The following GALNT2 variants were observed in gnomAD, a reference collection of about 807,000 sequenced individuals.
GALNT2 encodes the protein polypeptide N-acetylgalactosaminyltransferase 2, also known as UDP-GalNAc:polypeptide N-acetylgalactosaminyltransferase 2.
A neutral mutation model predicts 81.4 loss-of-function variants in GALNT2; 31 were observed. The ratio of observed to expected loss-of-function variants is 0.38; its 90% confidence interval spans 0.29 to 0.51. The LOEUF (loss-of-function observed/expected upper bound fraction) is 0.51. Among genes scored for constraint, GALNT2 ranks in the 20% least tolerant of loss-of-function variants. GALNT2 has a pLI of 0.87. For missense variants in GALNT2, 629 were observed against 765.7 expected (o/e 0.82, Z 2.11); for synonymous variants, 303 against 287.4 (o/e 1.05, Z -0.55).
chr1:230,179,949 T>G (rs889028839), intron 2 of GALNT2, among the ~76,000 whole-genome samples: 1 of 152,256 alleles, frequency 6.6e-6, no homozygotes, highest in Non-Finnish European at 1.5e-5. Context: ...AGACAGAGTC[T>G]CACTCTGTTG....
In GALNT2 at chr1:230,067,358, G is replaced by A; in HGVS notation, c.78G>A (p.Gly26=). ...VLGIAYYMYS[G]GGSALAGGAG... ...GCATCGCCTACTACATGTACTCGGG[G>A]GGCGGCTCTGCGCTGGCCGGGGGCG... Residue 26 remains glycine, a synonymous_variant, in exon 1 of 16, where the codon GGG becomes GGA. Transcript: ENST00000366672. 1.5e-6 allele frequency: 2 copies of A among 1,367,870 alleles called. No homozygotes were observed. The highest frequency in any genetic ancestry group is 1.9e-6 in the Non-Finnish European group (2 of 1,048,348). 84.7% of individuals were successfully genotyped at this position (1,367,870 alleles called of 1,614,324 possible).
intron 1 of GALNT2, among the ~76,000 whole-genome samples, chr1:230,155,828 G>A (rs902268022): frequency 9.9e-5 from 15 of 152,148 alleles, no homozygotes; most frequent in African/African-American, 3.4e-4. Flanking sequence ...TAAGACATTC[G>A]GCGTCAACCT....
chr1:230,188,941 G>C (rs1663428686), intron 2 of GALNT2, among the ~76,000 whole-genome samples: 1 of 152,052 alleles, frequency 6.6e-6, no homozygotes, highest in Middle Eastern at 3.2e-3. Context: ...AATCTGACCA[G>C]CCAGCCAGCT....
chr1:230,111,817 A>G (rs6659923), intron 1 of GALNT2, among the ~76,000 whole-genome samples: 33,072 of 152,082 alleles, frequency 0.22, 3,785 homozygotes, highest in South Asian at 0.28. Flanking sequence ...CAAAATCTAG[A>G]GCTTTGGACC....
chr1:230,132,790 A>T (rs1385360350), intron 1 of GALNT2, among the ~76,000 whole-genome samples: 2 of 152,220 alleles, frequency 1.3e-5, no homozygotes, highest in Non-Finnish European at 2.9e-5. Flanking sequence ...GAATTCCTGT[A>T]AGAATATCCG....
intron 3 of GALNT2, among the ~76,000 whole-genome samples, chr1:230,220,086 G>A (rs1054418715): frequency 5.9e-5 from 9 of 152,128 alleles, no homozygotes; most frequent in African/African-American, 2.2e-4. Context: ...CACAATTTGT[G>A]AAATAATGTT....
chr1:230,234,857 C>A (rs113147137), intron 3 of GALNT2, among the ~76,000 whole-genome samples: 4 of 152,254 alleles, frequency 2.6e-5, no homozygotes, highest in African/African-American at 9.6e-5. Flanking sequence ...TAAACCTTTA[C>A]TGCTTATTTC....
At chr1:230,192,257 G>A (rs1020698545) in intron 2 of GALNT2, among the ~76,000 whole-genome samples, 10 of 152,224 alleles carry the variant, frequency 6.6e-5, no homozygotes, top group East Asian at 1.9e-4. Flanking sequence ...TGGTTCCATC[G>A]TCTTACAGCT....
chr1:230,062,210 T>C (rs1659066139), intron 1 of GALNT2, among the ~76,000 whole-genome samples: 1 of 152,190 alleles, frequency 6.6e-6, no homozygotes, highest in Admixed American at 6.5e-5. Flanking sequence ...ATCTTTACTA[T>C]GAATTGTCTG....
chr1:230,261,081 CT>C (rs60478941), intron 11 of GALNT2, among the ~76,000 whole-genome samples: 43,059 of 130,244 alleles, frequency 0.33, 5,668 homozygotes, highest in Admixed American at 0.46. Flanking sequence ...TAAAGTTTCT[CT>C]TTTTTTTTTT....
chr1:230,142,469 C>G (rs997275682), intron 1 of GALNT2, among the ~76,000 whole-genome samples: 3 of 152,172 alleles, frequency 2.0e-5, no homozygotes, highest in African/African-American at 4.8e-5. Context: ...CACTCTTGAT[C>G]TGGGGCAAGT....
At chr1:230,199,185 T>C (rs1011209358) in intron 2 of GALNT2, among the ~76,000 whole-genome samples, 2 of 152,066 alleles carry the variant, frequency 1.3e-5, no homozygotes, top group Non-Finnish European at 2.9e-5. Flanking sequence ...AGGAAGGCAA[T>C]ATATTCAGAC....
At chr1:230,091,286 G>A (rs1660069622) in intron 1 of GALNT2, among the ~76,000 whole-genome samples, 1 of 151,892 alleles carries the variant, frequency 6.6e-6, no homozygotes, top group African/African-American at 2.4e-5. Flanking sequence ...GTGTTGGCCA[G>A]GATGGTCTTG....
intron 2 of GALNT2, among the ~76,000 whole-genome samples, 188 bp from the exon 3 acceptor site, chr1:230,202,949 T>C (rs1405156725): frequency 1.3e-5 from 2 of 152,232 alleles, no homozygotes; most frequent in Non-Finnish European, 2.9e-5. Flanking sequence ...ACCTGCAGTT[T>C]CCTATTCTCT....
upstream of GALNT2, among the ~76,000 whole-genome samples, chr1:230,066,157 T>C (rs1193835604): frequency 1.3e-5 from 2 of 152,360 alleles, no homozygotes; most frequent in South Asian, 2.1e-4. Context: ...GGTACGGACT[T>C]ATATCAGGCA....
At position 230,236,005 on chromosome 1, in the gene GALNT2, T is replaced by C. The variant is rs571347257; in HGVS notation, c.375-9T>C. ...CATTGTTCAGAGGACCATCTTTCTC[T>C]TCCTGCAGGTGTCAGCGGAAGCAGT... On this transcript the variant is annotated splice_polypyrimidine_tract_variant and intron_variant, in intron 3 of 15. Transcript: ENST00000366672. The C allele has an allele frequency of 1.9e-6, 3 of 1,613,820 alleles. No individual in the cohort carries two copies. The African/African-American group carries it at 4.0e-5, about 21-fold the overall frequency.
intron 6 of GALNT2, 109 bp downstream of exon 6, chr1:230,236,834 T>C: frequency 9.1e-7 from 1 of 1,100,570 alleles, no homozygotes; most frequent in Non-Finnish European, 1.3e-6. Context: ...AGCTTTTTTC[T>C]GTCTCCCTCT....
chr1:230,204,571 T>C (rs1664005102), intron 3 of GALNT2, among the ~76,000 whole-genome samples: 1 of 152,188 alleles, frequency 6.6e-6, no homozygotes, highest in African/African-American at 2.4e-5. Flanking sequence ...TTGTCACCAC[T>C]TATCAGGAAA....
intron 2 of GALNT2, among the ~76,000 whole-genome samples, chr1:230,184,973 T>G (rs1375831427): frequency 6.6e-6 from 1 of 152,220 alleles, no homozygotes; most frequent in Non-Finnish European, 1.5e-5. Flanking sequence ...TAATGTCATG[T>G]CCTAAAGTTT....
Sources: gnomAD v4.1 joint callset for allele counts (sites outside exome capture counted in the v4.1 genomes callset) on GRCh38, gnomAD v4.1.1 for gene constraint, MANE v1.5 for transcripts, NCBI Gene and HGNC (gene_info 2026-07-23, HGNC 2026-07-21) for gene names.